The following AGO3 variants were observed in gnomAD, a reference collection of about 807,000 sequenced individuals.
The protein encoded by AGO3 is argonaute RISC catalytic component 3.
In AGO3, 16 loss-of-function variants were observed where a neutral mutation model predicts 105.5. The observed-to-expected ratio is 0.15, with a 90% CI of 0.10 to 0.23. The LOEUF is 0.23. AGO3 is among the 10% of genes least tolerant of loss of function. AGO3 has a pLI of 1.00. For missense variants in AGO3, 534 were observed against 1,088.0 expected, an observed-to-expected ratio of 0.49 and a Z score of 7.16; for synonymous variants, 340 against 367.3, an observed-to-expected ratio of 0.93 and a Z score of 0.85.
intron 12 of AGO3, among the ~76,000 whole-genome samples, chr1:36,033,192 C>A (rs1302058205): frequency 6.6e-6 from 1 of 151,636 alleles, no homozygotes; most frequent in African/African-American, 2.4e-5. Flanking sequence ...CAGAAATTAG[C>A]TAGGTGAGGT....
At position 36,070,029 on chromosome 1, in the gene AGO3, C is replaced by G. The variant is rs1643140712; in HGVS notation, c.*14284C>G. On this transcript the variant is annotated 3_prime_UTR_variant, in exon 19 of 19. Coordinates refer to ENST00000373191, the MANE Select transcript of AGO3 (RefSeq NM_024852.4). ...CCAAGATTGTGCCACTGCACTCCAG[C>G]CTGGGCAACAAAGCGAAGCTCTGTC... 2 of 152,028 alleles carry G rather than the reference C, an allele frequency of 1.3e-5. No homozygotes were observed. The highest frequency in any genetic ancestry group is 4.8e-5 in the African/African-American group (2 of 41,378). The allele number at this position is 152,028 out of a possible 1,614,324, so 9.4% of individuals were successfully genotyped here.
chr1:36,003,548 G>C (rs1310680393), intron 5 of AGO3, among the ~76,000 whole-genome samples: 1 of 151,452 alleles, frequency 6.6e-6, no homozygotes, highest in Admixed American at 6.6e-5. Flanking sequence ...TGCTATATTG[G>C]TCGGACGTGG....
chr1:36,026,608 C>G (rs1444539004), intron 11 of AGO3, among the ~76,000 whole-genome samples: 1 of 152,174 alleles, frequency 6.6e-6, no homozygotes, highest in South Asian at 2.1e-4. Context: ...CCTGCCGTGC[C>G]TCTTTCTTAT....
intron 2 of AGO3, among the ~76,000 whole-genome samples, chr1:35,964,909 G>T (rs974061200): frequency 3.3e-5 from 5 of 151,696 alleles, no homozygotes; most frequent in Non-Finnish European, 5.9e-5. Context: ...ATGCTTGTTG[G>T]CTGCATGTAT....
chr1:35,993,500 A>G (rs1647885787), intron 5 of AGO3, among the ~76,000 whole-genome samples: 1 of 152,118 alleles, frequency 6.6e-6, no homozygotes, highest in Non-Finnish European at 1.5e-5. Flanking sequence ...CTTTATGCCA[A>G]TTAATTTGAT....
chr1:36,021,227 C>G (rs1641205063), intron 11 of AGO3, among the ~76,000 whole-genome samples: 1 of 152,156 alleles, frequency 6.6e-6, no homozygotes, highest in African/African-American at 2.4e-5. Flanking sequence ...CCACTGCGCC[C>G]AGCCGCCATT....
chr1:36,009,592 T>C lies in AGO3; in HGVS notation c.1147T>C (p.Leu383=). The change falls in exon 9 of 19, where the codon TTG becomes CTG. Residue 383 remains leucine (L), a splice_region_variant and synonymous_variant. Coordinates refer to ENST00000373191, the MANE Select transcript of AGO3 (RefSeq NM_024852.4). ...APDRQEEISR[L]VRSANYETDP... ...AGATAGACAAGAGGAAATTAGCAGA[T>C]TGGTTAGTACTTAACCTTAGAAATG... 1 of 1,611,092 alleles carries C rather than the reference T, an allele frequency of 6.2e-7. No individual in the cohort carries two copies. Among genetic ancestry groups the C allele is most frequent in the East Asian group, 2.2e-5 (1 of 44,822 alleles).
At position 36,040,327 on chromosome 1, in the gene AGO3, A is replaced by G. The variant is rs527810393; in HGVS notation, c.2058A>G (p.Leu686=). Residue 686 remains leucine, a synonymous_variant, in exon 16 of 19, where the codon CTA becomes CTG. Coordinates refer to ENST00000373191, the MANE Select transcript of AGO3 (RefSeq NM_024852.4). ...TCTAGGTATTATATTATGAACTACT[A>G]GCAATTCGAGAAGCCTGCATCAGTT... ...QFRQVLYYEL[L]AIREACISLE... 6.2e-7 allele frequency: 1 copy of G among 1,613,560 alleles called. No homozygotes were observed. The highest frequency in any genetic ancestry group is 1.7e-5 in the Admixed American group (1 of 60,028).
intron 1 of AGO3, among the ~76,000 whole-genome samples, chr1:35,931,651 G>T (rs1288736305): frequency 6.6e-6 from 1 of 152,246 alleles, no homozygotes; most frequent in African/African-American, 2.4e-5. Context: ...AAACTGCGAG[G>T]CGGGGAAACG....
At chr1:36,051,124 T>G (rs771348245) in intron 17 of AGO3, among the ~76,000 whole-genome samples, 7 of 152,130 alleles carry the variant, frequency 4.6e-5, no homozygotes, top group Non-Finnish European at 8.8e-5. Flanking sequence ...CTCAATTATT[T>G]TTTTGATTTA....
rs1295618675 is a variant in AGO3 at position 36,003,709 on chromosome 1, A to AAAATAT, written c.659-631_659-630insAATATA. 1.9e-3 allele frequency among the ~76,000 whole-genome samples: 189 copies of AAAATAT among 99,386 alleles called. 1 individual carries two copies. The highest frequency in any genetic ancestry group is 2.6e-3 in the East Asian group (9 of 3,418). The allele number at this position is 99,386 out of a possible 152,430, so 65.2% of individuals were successfully genotyped here. ...AAGTCTGTCTCAAAAAAAAAAAAAAAATATATATATATATATATATATATA... is the reference window on the plus strand; with the variant it reads ...AAGTCTGTCTCAAAAAAAAAAAAAAAAAATATATATATATATATATATATATATATA... On this transcript the variant is annotated intron_variant, in intron 5 of 18. Transcript: ENST00000373191.
Position 36,061,407 on chromosome 1 carries a change from CT to C in AGO3, c.*5663del, listed in dbSNP as rs2148869974. 6.6e-6 allele frequency: 1 copy of C among 152,252 alleles called. No individual in the cohort carries two copies. The highest frequency in any genetic ancestry group is 2.1e-4 in the South Asian group (1 of 4,826). 9.4% of individuals were successfully genotyped at this position (152,252 alleles called of 1,614,324 possible). Reference sequence around the variant, plus strand: ...ATTTATATTACTTTACCCATCAAAACTAGTACTCCAGATGTTTACATCATTG... The same window carrying C: ...ATTTATATTACTTTACCCATCAAAACAGTACTCCAGATGTTTACATCATTG... On this transcript the variant is annotated 3_prime_UTR_variant, in exon 19 of 19. Coordinates refer to ENST00000373191, the MANE Select transcript of AGO3 (RefSeq NM_024852.4).
chr1:35,937,071 A>G (rs1646162750), intron 1 of AGO3, among the ~76,000 whole-genome samples: 1 of 152,152 alleles, frequency 6.6e-6, no homozygotes, highest in African/African-American at 2.4e-5. Context: ...ATGGGCTCTT[A>G]CTAATAACAA....
chr1:35,947,848 G>A (rs1187750240), intron 2 of AGO3, among the ~76,000 whole-genome samples: 6 of 152,144 alleles, frequency 3.9e-5, no homozygotes, highest in Non-Finnish European at 8.8e-5. Flanking sequence ...GTTCATTAAT[G>A]TATAGATTTG....
At chr1:36,042,572 CA>C (rs1437393139) in intron 16 of AGO3, among the ~76,000 whole-genome samples, 1 of 152,120 alleles carries the variant, frequency 6.6e-6, no homozygotes, top group African/African-American at 2.4e-5. Flanking sequence ...ACTCACGTGG[CA>C]AAAATATTAT....
At chr1:35,976,439 C>A (rs1009205539) in intron 5 of AGO3, among the ~76,000 whole-genome samples, 6 of 152,050 alleles carry the variant, frequency 3.9e-5, no homozygotes, top group African/African-American at 1.4e-4. Flanking sequence ...TCACCTGCAA[C>A]TAGTGATAAG....
intron 5 of AGO3, among the ~76,000 whole-genome samples, chr1:35,975,114 G>A (rs951881615): frequency 2.0e-5 from 3 of 151,946 alleles, no homozygotes; most frequent in East Asian, 1.9e-4. Context: ...CATTCCTGGC[G>A]GTTAGACTGA....
At chr1:36,034,078 G>T (rs369525720) in intron 12 of AGO3, 96 bp from the exon 13 acceptor site, 1 of 1,249,296 alleles carries the variant, frequency 8.0e-7, no homozygotes, top group African/African-American at 1.5e-5. Flanking sequence ...ATACAATGAT[G>T]GATTTTAAGG....
chr1:35,933,364 T>G (rs551784278), intron 1 of AGO3, among the ~76,000 whole-genome samples: 1 of 152,074 alleles, frequency 6.6e-6, no homozygotes, highest in Non-Finnish European at 1.5e-5. Context: ...TAATTTAGGC[T>G]GGGTGTGGTG....
Sources: gnomAD v4.1 joint callset for allele counts (sites outside exome capture counted in the v4.1 genomes callset) on GRCh38, gnomAD v4.1.1 for gene constraint, MANE v1.5 for transcripts, NCBI Gene and HGNC (gene_info 2026-07-23, HGNC 2026-07-21) for gene names.